The following ERBIN variants were observed in gnomAD, a reference collection of about 807,000 sequenced individuals.
ERBIN encodes the protein densin-180-like protein.
In ERBIN, 60 loss-of-function variants were observed where a neutral mutation model predicts 158.4. That is an observed-to-expected ratio of 0.38 (90% CI 0.31 to 0.47). ERBIN has a LOEUF of 0.47. ERBIN is among the 20% of genes least tolerant of loss of function. The probability of loss-of-function intolerance (pLI) is 0.99; values close to 1 mark genes in which losing one functional copy is unlikely to be tolerated. For synonymous variants in ERBIN, 594 were observed against 557.2 expected, an observed-to-expected ratio of 1.07 and a Z score of -0.93; for missense variants, 1,610 against 1,648.0, an observed-to-expected ratio of 0.98 and a Z score of 0.40.
intron 1 of ERBIN, among the ~76,000 whole-genome samples, chr5:65,938,369 G>GT (rs1744346064): frequency 8.5e-6 from 1 of 117,058 alleles, no homozygotes; most frequent in African/African-American, 3.2e-5. Flanking sequence ...GCAGGCATAG[G>GT]TCTTTTTTTT....
At chr5:65,995,673 C>G (rs904677607) in intron 4 of ERBIN, among the ~76,000 whole-genome samples, 4 of 152,034 alleles carry the variant, frequency 2.6e-5, no homozygotes, top group Admixed American at 6.6e-5. Flanking sequence ...TGTGGTAGTT[C>G]TGATTTTTTG....
intron 22 of ERBIN, among the ~76,000 whole-genome samples, chr5:66,073,462 A>G (rs1032996104): frequency 1.3e-5 from 2 of 152,158 alleles, no homozygotes; most frequent in African/African-American, 4.8e-5. Context: ...TCCAACCAAT[A>G]TAAGATTTGT....
chr5:66,023,214 A>G, intron 8 of ERBIN, 76 bp from the exon 9 acceptor site: 4 of 1,027,788 alleles, frequency 3.9e-6, no homozygotes, highest in South Asian at 1.4e-5. Flanking sequence ...AGAAATTCCC[A>G]GGGCTTCTTT....
chr5:66,072,644 C>T (rs900285714), intron 22 of ERBIN, among the ~76,000 whole-genome samples: 1 of 152,094 alleles, frequency 6.6e-6, no homozygotes, highest in Admixed American at 6.5e-5. Flanking sequence ...ACTCTTCATT[C>T]TAGGATCTTT....
intron 14 of ERBIN, among the ~76,000 whole-genome samples, chr5:66,029,850 A>G (rs1191258232): frequency 2.0e-5 from 3 of 151,924 alleles, no homozygotes; most frequent in African/African-American, 7.3e-5. Flanking sequence ...TGGCCTCCCA[A>G]AAGTGCTGGG....
chr5:66,031,610 TC>T (rs1445203285), intron 14 of ERBIN, among the ~76,000 whole-genome samples: 1 of 152,102 alleles, frequency 6.6e-6, no homozygotes, highest in Non-Finnish European at 1.5e-5. Flanking sequence ...GGTGGGAGGA[TC>T]TTTTGAGGCC....
intron 2 of ERBIN, among the ~76,000 whole-genome samples, chr5:65,988,976 C>A: frequency 8.8e-6 from 1 of 113,164 alleles, no homozygotes; most frequent in Non-Finnish European, 1.8e-5. Flanking sequence ...GAGTGTGACC[C>A]TGTTTCCAAA....
chr5:65,960,328 G>A (rs957963953), intron 1 of ERBIN, among the ~76,000 whole-genome samples: 24 of 152,178 alleles, frequency 1.6e-4, no homozygotes, highest in Non-Finnish European at 2.9e-5. Flanking sequence ...TGATTGCTTG[G>A]TAGGGGCATT....
rs552403545 is a variant in ERBIN, at chr5:66,036,552, GTTC to G, written c.1207-1825_1207-1823del. 1.5e-3 allele frequency among the ~76,000 whole-genome samples: 234 copies of G among 152,196 alleles called. 1 individual carries two copies. The highest frequency in any genetic ancestry group is 5.5e-3 in the African/African-American group (228 of 41,532). On this transcript the variant is annotated intron_variant, in intron 14 of 25. Coordinates refer to ENST00000284037, the MANE Select transcript of ERBIN (RefSeq NM_001253697.2). ...GGTAAGTGAATTTCTCCTCCTGTAT[GTTC>G]TTCTTGCACACTGTACCCTGTCTAC...
intron 1 of ERBIN, chr5:65,961,396 A>G (rs1747894267): frequency 6.6e-6 from 1 of 152,182 alleles, no homozygotes; most frequent in Non-Finnish European, 1.5e-5. Flanking sequence ...ATATTTGTAA[A>G]TTATACTTCC....
rs1404512954 is a variant in ERBIN, at chr5:66,054,298, T to G, written c.2980T>G (p.Ser994Ala). 4.3e-5 allele frequency: 70 copies of G among 1,614,154 alleles called. No homozygotes were observed. The highest frequency in any genetic ancestry group is 5.8e-5 in the Non-Finnish European group (69 of 1,180,030). Residue 994 changes from serine to alanine, a missense_variant, in exon 21 of 26, where the codon TCC (serine) becomes GCC (alanine). By Grantham distance (99) the Ser-to-Ala change is moderately conservative. Coordinates refer to ENST00000284037, the MANE Select transcript of ERBIN (RefSeq NM_001253697.2). ...SAAVKDTLWHSKQNPQIDHAS... is the reference protein window; with the variant it reads ...SAAVKDTLWHAKQNPQIDHAS... ...TGCAGTCAAAGACACTTTGTGGCAC[T>G]CCAAACAAAATCCCCAAATAGACCA... is the stretch of plus-strand genomic sequence containing the variant.
Position 66,046,495 on chromosome 5 carries a change from C to T in ERBIN, c.1745C>T (p.Ser582Phe), listed in dbSNP as rs1270397480. ...CCAGTGACTGCAAATATGAAAGCCT[C>T]TGAGAACTTGAAGCATATTGTTAAC... ...SLPVTANMKASENLKHIVNHD... is the reference protein window; with the variant it reads ...SLPVTANMKAFENLKHIVNHD... Residue 582 changes from serine (S) to phenylalanine (F), a missense_variant, in exon 18 of 26, where the codon TCT (serine) becomes TTT (phenylalanine). Coordinates refer to ENST00000284037, the MANE Select transcript of ERBIN (RefSeq NM_001253697.2). 4 of 1,607,258 alleles carry T rather than the reference C, an allele frequency of 2.5e-6. No individual in the cohort carries two copies. Among genetic ancestry groups the T allele is most frequent in the South Asian group, 1.1e-5 (1 of 89,734 alleles).
chr5:65,985,103 T>C (rs1751076448), intron 1 of ERBIN, among the ~76,000 whole-genome samples: 1 of 152,210 alleles, frequency 6.6e-6, no homozygotes, highest in African/African-American at 2.4e-5. Context: ...ATTTTTTTGT[T>C]GTTGGCTTGA....
intron 1 of ERBIN, among the ~76,000 whole-genome samples, chr5:65,941,236 T>C (rs1236114715): frequency 1.3e-5 from 2 of 151,370 alleles, no homozygotes; most frequent in Non-Finnish European, 2.9e-5. Flanking sequence ...CACTTGTTTA[T>C]CTGCTGACCC....
rs142781474 is a variant in ERBIN, at chr5:65,948,667, C to A, written c.-58+21861C>A. 1.6e-3 allele frequency among the ~76,000 whole-genome samples: 239 copies of A among 150,960 alleles called. 1 individual carries two copies. The highest frequency in any genetic ancestry group is 2.7e-3 in the Non-Finnish European group (186 of 67,822). On this transcript the variant is annotated intron_variant, in intron 1 of 25. Transcript: ENST00000284037. ...GTATTGCTTACATCCCTCTAAACATCATTATTCTAATTTTGATTTTTGCTA... is the reference window on the plus strand; with the variant it reads ...GTATTGCTTACATCCCTCTAAACATAATTATTCTAATTTTGATTTTTGCTA...
Position 66,050,551 on chromosome 5 carries a change from G to A in ERBIN, c.1904-232G>A, listed in dbSNP as rs1410029086. Among the ~76,000 whole-genome samples, 2 of 151,426 alleles carry A rather than the reference G, an allele frequency of 1.3e-5. 1 individual carries two copies. The highest frequency in any genetic ancestry group is 4.9e-5 in the African/African-American group (2 of 41,208). ...TGAGCCACCGCGCCCGGCCTAAATC[G>A]AATTCTTAATAACCCCAGCATTGGT... On this transcript the variant is annotated intron_variant, in intron 19 of 25. Transcript: ENST00000284037.
intron 4 of ERBIN, among the ~76,000 whole-genome samples, chr5:66,010,239 T>C (rs1383488886): frequency 2.6e-5 from 4 of 152,220 alleles, no homozygotes; most frequent in Non-Finnish European, 5.9e-5. Flanking sequence ...TTTACTTAAT[T>C]TGGATTCGTT....
rs750891490 is a variant in ERBIN at position 66,054,332 on chromosome 5, T to G, written c.3014T>G (p.Phe1005Cys). The change falls in exon 21 of 26, where the codon TTT becomes TGT. Residue 1005 changes from phenylalanine to cysteine, a missense_variant. By Grantham distance (205) the Phe-to-Cys change is radical (BLOSUM62 -2). Coordinates refer to ENST00000284037, the MANE Select transcript of ERBIN (RefSeq NM_001253697.2). ...KQNPQIDHAS[F>C]PPQLLPRSES... ...AATCCCCAAATAGACCATGCCAGTT[T>G]TCCTCCTCAGCTCCTTCCTAGATCA... 10 of 1,614,144 alleles carry G rather than the reference T, an allele frequency of 6.2e-6. No homozygotes were observed. Among genetic ancestry groups the G allele is most frequent in the Non-Finnish European group, 8.5e-6 (10 of 1,180,012 alleles).
intron 7 of ERBIN, among the ~76,000 whole-genome samples, chr5:66,020,097 C>A (rs1156903554): frequency 1.3e-5 from 2 of 151,882 alleles, no homozygotes; most frequent in Non-Finnish European, 2.9e-5. Context: ...AATTATGGTA[C>A]CTGAGAATAG....
Sources: allele counts gnomAD v4.1 joint callset (sites outside exome capture counted in the v4.1 genomes callset), GRCh38; gene constraint gnomAD v4.1.1; transcripts MANE v1.5; gene names NCBI Gene and HGNC (gene_info 2026-07-23, HGNC 2026-07-21).